RNF220: variants seen among roughly 807,000 people sequenced by gnomAD.
RNF220 encodes E3 ubiquitin-protein ligase RNF220.
Under a neutral mutation model 67.1 loss-of-function variants are expected in RNF220, and 7 were observed. That is an observed-to-expected ratio of 0.10 (90% CI 0.06 to 0.20). The LOEUF is 0.20. Ranked by LOEUF, RNF220 falls within the 10% of genes least tolerant of loss-of-function variation. The pLI, the probability that RNF220 is intolerant of heterozygous loss-of-function variation, is 1.00. For synonymous variants in RNF220, 270 were observed against 283.2 expected (o/e 0.95, Z 0.47); for missense variants, 565 against 740.3 (o/e 0.76, Z 2.75).
chr1:44,647,878 G>C (rs1377029256), intron 12 of RNF220, among the ~76,000 whole-genome samples: 1 of 152,122 alleles, frequency 6.6e-6, no homozygotes, highest in Non-Finnish European at 1.5e-5. Context: ...TCCAGCCTCT[G>C]CTTCCTGATT....
At chr1:44,426,852 G>A (rs1649840530) in intron 2 of RNF220, among the ~76,000 whole-genome samples, 1 of 152,168 alleles carries the variant, frequency 6.6e-6, no homozygotes, top group Admixed American at 6.5e-5. Context: ...ACAAGTTCCA[G>A]GGTTATTCCT....
At chr1:44,550,784 C>T (rs1662565106) in intron 2 of RNF220, among the ~76,000 whole-genome samples, 1 of 152,176 alleles carries the variant, frequency 6.6e-6, no homozygotes, top group Non-Finnish European at 1.5e-5. Flanking sequence ...GTAGCTTCAG[C>T]AGCAACTCAG....
intron 2 of RNF220, among the ~76,000 whole-genome samples, chr1:44,413,274 C>G (rs1572415126): frequency 6.6e-6 from 1 of 152,306 alleles, no homozygotes; most frequent in East Asian, 1.9e-4. Context: ...GCATTTCACA[C>G]AGCTGTGTTT....
intron 2 of RNF220, among the ~76,000 whole-genome samples, chr1:44,485,216 C>T (rs1656180886): frequency 6.6e-6 from 1 of 152,212 alleles, no homozygotes; most frequent in Admixed American, 6.5e-5. Context: ...TGAGAAACCC[C>T]TGCCTGAAGA....
chr1:44,593,854 G>A (rs71518482), intron 2 of RNF220, among the ~76,000 whole-genome samples: 400 of 152,098 alleles, frequency 2.6e-3, no homozygotes, highest in Non-Finnish European at 4.4e-3. Flanking sequence ...AGGCCAAGGC[G>A]TGGGTGGATC....
chr1:44,431,192 T>A (rs1650324771), intron 2 of RNF220, among the ~76,000 whole-genome samples: 2 of 152,240 alleles, frequency 1.3e-5, no homozygotes. Context: ...ATAGTGAAGG[T>A]AGTTTAAAAA....
At chr1:44,577,673 G>A (rs1664909327) in intron 2 of RNF220, among the ~76,000 whole-genome samples, 1 of 152,198 alleles carries the variant, frequency 6.6e-6, no homozygotes, top group South Asian at 2.1e-4. Context: ...GAAATAAACA[G>A]CGTGGTAAAA....
At chr1:44,639,148 G>A (rs1204679541) in intron 8 of RNF220, among the ~76,000 whole-genome samples, 1 of 152,230 alleles carries the variant, frequency 6.6e-6, no homozygotes, top group Non-Finnish European at 1.5e-5. Context: ...TTCTAGGCTA[G>A]AGAAGCAGAC....
intron 2 of RNF220, among the ~76,000 whole-genome samples, chr1:44,447,955 G>A (rs1162659072): frequency 6.6e-6 from 1 of 152,170 alleles, no homozygotes; most frequent in African/African-American, 2.4e-5. Flanking sequence ...GGGAGATGAT[G>A]GTGGATGCAA....
intron 2 of RNF220, among the ~76,000 whole-genome samples, chr1:44,583,426 T>C (rs1218233505): frequency 2.0e-5 from 3 of 152,214 alleles, no homozygotes; most frequent in Non-Finnish European, 4.4e-5. Context: ...TTTTCATAGC[T>C]GTTCAAACAG....
intron 2 of RNF220, among the ~76,000 whole-genome samples, chr1:44,539,760 T>C (rs1367579097): frequency 1.3e-5 from 2 of 152,218 alleles, no homozygotes; most frequent in Non-Finnish European, 2.9e-5. Flanking sequence ...AATCCAACAC[T>C]GTTCCAGAAT....
At chr1:44,495,219 CAAAT>C (rs1276064560) in intron 2 of RNF220, among the ~76,000 whole-genome samples, 3 of 130,866 alleles carry the variant, frequency 2.3e-5, no homozygotes, top group Admixed American at 1.5e-4. Flanking sequence ...TCTCAAAAAA[CAAAT>C]AAACAAATAA....
At chr1:44,529,405 T>C (rs1334977020) in intron 2 of RNF220, among the ~76,000 whole-genome samples, 1 of 151,808 alleles carries the variant, frequency 6.6e-6, no homozygotes, top group African/African-American at 2.4e-5. Flanking sequence ...AGAGTCTCGC[T>C]ATGTCACCCA....
intron 2 of RNF220, among the ~76,000 whole-genome samples, chr1:44,523,903 T>G (rs1660142771): frequency 6.6e-6 from 1 of 152,178 alleles, no homozygotes; most frequent in African/African-American, 2.4e-5. Flanking sequence ...GCATGGGGTA[T>G]TTTAATGGCA....
At chr1:44,572,595 T>C (rs910786657) in intron 2 of RNF220, among the ~76,000 whole-genome samples, 1 of 152,138 alleles carries the variant, frequency 6.6e-6, no homozygotes, top group Non-Finnish European at 1.5e-5. Flanking sequence ...TGCAATATCC[T>C]ATTTACTGTT....
chr1:44,636,257 G>A, intron 8 of RNF220, 95 bp downstream of exon 8: 1 of 1,519,708 alleles, frequency 6.6e-7, no homozygotes, highest in Non-Finnish European at 9.0e-7. Context: ...GCTGGTGGCT[G>A]GTCATCCATC....
At position 44,650,877 on chromosome 1, in the gene RNF220, C is replaced by A; in HGVS notation, c.*102C>A. Reference sequence around the variant, plus strand: ...TGTACATACTTGCACACAGGTTCCCCATGTACATACATGCACATACTCAAA... The same window carrying A: ...TGTACATACTTGCACACAGGTTCCCAATGTACATACATGCACATACTCAAA... On this transcript the variant is annotated 3_prime_UTR_variant, in exon 15 of 15. Transcript: ENST00000361799. This position sits in a 1 kb window ranked among gnomAD's most constrained non-coding sequence, Gnocchi z 4.3. 1 of 955,196 alleles carries A rather than the reference C, an allele frequency of 1.0e-6. No individual in the cohort carries two copies. The highest frequency in any genetic ancestry group is 1.7e-6 in the Non-Finnish European group (1 of 598,188). 59.2% of individuals were successfully genotyped at this position (955,196 alleles called of 1,614,324 possible). A position where few individuals can be genotyped will look rare whatever the true frequency, so the allele number is the denominator to read the frequency against.
intron 2 of RNF220, among the ~76,000 whole-genome samples, chr1:44,495,539 G>A (rs1657266511): frequency 6.6e-6 from 1 of 152,186 alleles, no homozygotes; most frequent in Admixed American, 6.5e-5. Context: ...GAGAATGCAG[G>A]AGACCTAAAA....
chr1:44,616,817 G>A (rs1643570434), intron 3 of RNF220, among the ~76,000 whole-genome samples: 2 of 152,146 alleles, frequency 1.3e-5, no homozygotes, highest in Non-Finnish European at 2.9e-5. Context: ...CCTGGAGAAT[G>A]CGGGCCCCCA....
Sources: gnomAD v4.1 joint callset for allele counts (sites outside exome capture counted in the v4.1 genomes callset) on GRCh38, gnomAD v4.1.1 for gene constraint, Gnocchi (gnomAD v3.1) non-coding constraint, MANE v1.5 for transcripts, NCBI Gene and HGNC (gene_info 2026-07-23, HGNC 2026-07-21) for gene names.